The following CLTC variants were observed in gnomAD, a reference collection of about 807,000 sequenced individuals.
CLTC encodes the protein clathrin heavy chain 1.
A neutral mutation model predicts 195.8 loss-of-function variants in CLTC; 16 were observed. That is an observed-to-expected ratio of 0.08 (90% CI 0.06 to 0.12). The LOEUF is 0.12. Among genes scored for constraint, CLTC ranks in the 10% least tolerant of loss-of-function variants. CLTC has a pLI of 1.00. For synonymous variants in CLTC, 667 were observed against 689.4 expected (o/e 0.97, Z 0.51); for missense variants, 796 against 2,027.0 (o/e 0.39, Z 11.66).
intron 31 of CLTC, 123 bp from the exon 32 acceptor site, chr17:59,693,605 C>T: frequency 8.5e-7 from 1 of 1,177,964 alleles, no homozygotes; most frequent in Non-Finnish European, 1.2e-6. Context: ...GCCCCCCATA[C>T]AACTCATTTG....
intron 1 of CLTC, 68 bp from the exon 2 acceptor site, chr17:59,644,208 A>G: frequency 1.6e-6 from 2 of 1,214,350 alleles, no homozygotes; most frequent in Admixed American, 3.9e-5. Flanking sequence ...ATTTGTGTTG[A>G]TGAGCATATA....
At chr17:59,667,147 C>G (rs1254238975) in intron 13 of CLTC, 170 bp downstream of exon 13, 1 of 518,854 alleles carries the variant, frequency 1.9e-6, no homozygotes, top group Non-Finnish European at 3.4e-6. Context: ...ATGTTGGATT[C>G]TAAGGATATG....
intron 31 of CLTC, among the ~76,000 whole-genome samples, chr17:59,691,796 T>TA (rs2033307623): frequency 1.3e-5 from 2 of 151,760 alleles, no homozygotes; most frequent in Admixed American, 6.6e-5. Flanking sequence ...AGTGGGTTCT[T>TA]AGAGATGGGA....
At chr17:59,687,133 A>G in intron 30 of CLTC, 1 of 412,346 alleles carries the variant, frequency 2.4e-6, no homozygotes. Flanking sequence ...CCCCCCAATA[A>G]ATTTTCACTA....
chr17:59,635,701 A>G (rs1367175921), intron 1 of CLTC, among the ~76,000 whole-genome samples: 1 of 152,144 alleles, frequency 6.6e-6, no homozygotes, highest in African/African-American at 2.4e-5. Flanking sequence ...TATTAATAGG[A>G]CCATGGCCTC....
Position 59,676,918 on chromosome 17 carries a change from G to A in CLTC, c.2562-36G>A, listed in dbSNP as rs760757075. Reference sequence around the variant, plus strand: ...TCAAGAGTGTGTTATTTATAATACAGTATGTGTGTGTGAGGTTTTTTTCCT... The same window carrying A: ...TCAAGAGTGTGTTATTTATAATACAATATGTGTGTGTGAGGTTTTTTTCCT... On this transcript the variant is annotated intron_variant, in intron 16 of 31. Transcript: ENST00000269122. 2.8e-5 allele frequency: 40 copies of A among 1,413,264 alleles called. No homozygotes were observed. In the South Asian group the frequency reaches 4.2e-4, roughly 15 times the overall value. 87.5% of individuals were successfully genotyped at this position (1,413,264 alleles called of 1,614,324 possible).
At chr17:59,647,176 T>A (rs912898519) in intron 2 of CLTC, among the ~76,000 whole-genome samples, 1 of 152,222 alleles carries the variant, frequency 6.6e-6, no homozygotes, top group Non-Finnish European at 1.5e-5. Context: ...TACTATCTGT[T>A]TAAAGTGTGT....
intron 17 of CLTC, among the ~76,000 whole-genome samples, chr17:59,678,350 C>T (rs1397160717): frequency 6.6e-6 from 1 of 151,954 alleles, no homozygotes; most frequent in Non-Finnish European, 1.5e-5. Flanking sequence ...TCCTCTTACC[C>T]TCTCCCTTAA....
chr17:59,674,874 CTCTT>C (rs1443335244), intron 16 of CLTC, 31 bp downstream of exon 16: 2 of 1,597,134 alleles, frequency 1.3e-6, no homozygotes, highest in Admixed American at 1.7e-5. Flanking sequence ...GGATAAGTTA[CTCTT>C]TCTTAACATG....
chr17:59,686,445 A>G (rs1026304781), intron 30 of CLTC, among the ~76,000 whole-genome samples: 7 of 152,090 alleles, frequency 4.6e-5, no homozygotes, highest in Non-Finnish European at 8.8e-5. Flanking sequence ...GTTTTAGAGG[A>G]TCCTTTTCGT....
At chr17:59,623,294 A>G (rs1220319541) in intron 1 of CLTC, among the ~76,000 whole-genome samples, 1 of 152,208 alleles carries the variant, frequency 6.6e-6, no homozygotes, top group Non-Finnish European at 1.5e-5. Context: ...ACTGGGATTT[A>G]CTACATGCTT....
intron 1 of CLTC, among the ~76,000 whole-genome samples, chr17:59,623,406 G>A (rs889122763): frequency 2.6e-5 from 4 of 152,186 alleles, no homozygotes; most frequent in Non-Finnish European, 5.9e-5. Flanking sequence ...GAATTTTCTT[G>A]ATGGTCAGTT....
intron 28 of CLTC, among the ~76,000 whole-genome samples, chr17:59,684,712 C>A (rs1474982318): frequency 1.3e-5 from 2 of 149,116 alleles, no homozygotes; most frequent in Non-Finnish European, 3.0e-5. Flanking sequence ...AGGCTGAGGC[C>A]GGAGAATCGC....
intron 6 of CLTC, among the ~76,000 whole-genome samples, chr17:59,656,602 A>G (rs2032471663): frequency 6.6e-6 from 1 of 151,160 alleles, no homozygotes; most frequent in Admixed American, 6.6e-5. Flanking sequence ...TAAATTTGTC[A>G]TTTTTGAAAA....
Position 59,681,820 on chromosome 17 carries a change from T to C in CLTC, c.3423T>C (p.Val1141=), listed in dbSNP as rs2033087090. 1.2e-6 allele frequency: 2 copies of C among 1,613,136 alleles called. No individual in the cohort carries two copies. Among genetic ancestry groups the C allele is most frequent in the African/African-American group, 2.7e-5 (2 of 74,912 alleles). The change falls in exon 21 of 32, where the codon GTT becomes GTC. Residue 1141 remains valine, a synonymous_variant. Transcript: ENST00000269122. This position sits in a 1 kb window ranked among gnomAD's most constrained non-coding sequence, Gnocchi z 5.0. ...ADDPSSYMEV[V]QAANTSGNWE... is the part of the protein sequence containing the mutation. ...ATCCTTCCTCCTACATGGAAGTTGT[T>C]CAGGCTGCCAATACTAGTGGTATGA...
intron 1 of CLTC, among the ~76,000 whole-genome samples, chr17:59,621,604 G>T (rs1051827199): frequency 6.6e-6 from 1 of 152,164 alleles, no homozygotes; most frequent in Non-Finnish European, 1.5e-5. Flanking sequence ...GAAATGTAAA[G>T]AATAATAAAT....
intron 15 of CLTC, among the ~76,000 whole-genome samples, chr17:59,674,227 C>T (rs560490873): frequency 6.6e-6 from 1 of 152,154 alleles, no homozygotes; most frequent in East Asian, 1.9e-4. Context: ...TGGCCTAGGG[C>T]CTTACTAACT....
At chr17:59,633,608 T>A (rs951381464) in intron 1 of CLTC, among the ~76,000 whole-genome samples, 1 of 152,204 alleles carries the variant, frequency 6.6e-6, no homozygotes, top group East Asian at 1.9e-4. Context: ...CTAACTAGAA[T>A]AATGTGGGAT....
At chr17:59,673,886 C>G (rs754229620) in intron 15 of CLTC, 114 bp downstream of exon 15, 89 of 620,730 alleles carry the variant, frequency 1.4e-4, no homozygotes, top group Non-Finnish European at 1.2e-4. Context: ...CAGCTTTTAA[C>G]GTGGGATTTT....
Sources: gnomAD v4.1 joint callset for allele counts (sites outside exome capture counted in the v4.1 genomes callset) on GRCh38, gnomAD v4.1.1 for gene constraint, Gnocchi (gnomAD v3.1) non-coding constraint, MANE v1.5 for transcripts, NCBI Gene and HGNC (gene_info 2026-07-23, HGNC 2026-07-21) for gene names.